Variants in PLPP1 observed in about 807,000 individuals in gnomAD.
The protein encoded by PLPP1 is phospholipid phosphatase 1, also known as lipid phosphate phosphohydrolase 1a.
A neutral mutation model predicts 31.2 loss-of-function variants in PLPP1; 24 were observed. That is an observed-to-expected ratio of 0.77 (90% confidence interval 0.56 to 1.08). The LOEUF (loss-of-function observed/expected upper bound fraction) is 1.08, where lower values mean the gene tolerates loss of function less well. Among genes scored for constraint, PLPP1 ranks in the 50% least tolerant of loss-of-function variants. PLPP1 has a pLI of 0.00. For missense variants in PLPP1, 319 were observed against 342.7 expected (o/e 0.93, Z 0.55); for synonymous variants, 146 against 126.3 (o/e 1.16, Z -1.05).
chr5:55,485,564 GT>G (rs1385292526), intron 1 of PLPP1, among the ~76,000 whole-genome samples: 4 of 149,882 alleles, frequency 2.7e-5, no homozygotes, highest in Non-Finnish European at 5.9e-5. Context: ...TGGGTATATA[GT>G]TAAGGCATTT....
chr5:55,438,483 C>G (rs1751545842), intron 4 of PLPP1, among the ~76,000 whole-genome samples: 1 of 152,164 alleles, frequency 6.6e-6, no homozygotes, highest in African/African-American at 2.4e-5. Context: ...CAAAGACTGT[C>G]CTAGGAGAGG....
At chr5:55,533,680 G>A (rs1314885517) in intron 1 of PLPP1, among the ~76,000 whole-genome samples, 2 of 152,184 alleles carry the variant, frequency 1.3e-5, no homozygotes, top group East Asian at 3.8e-4. Flanking sequence ...CAAACCTCCA[G>A]CAGCTCTTGC....
chr5:55,501,271 C>T (rs1169477771), intron 1 of PLPP1, among the ~76,000 whole-genome samples: 3 of 152,034 alleles, frequency 2.0e-5, no homozygotes, highest in Non-Finnish European at 4.4e-5. Context: ...TGAGATCATG[C>T]CATTGCACTC....
At chr5:55,479,088 A>C (rs1752618880) in intron 1 of PLPP1, among the ~76,000 whole-genome samples, 1 of 150,894 alleles carries the variant, frequency 6.6e-6, no homozygotes, top group South Asian at 2.1e-4. Context: ...GCAATGGTGC[A>C]ATCTCGGCTC....
At chr5:55,511,970 C>G (rs575038253) in intron 1 of PLPP1, among the ~76,000 whole-genome samples, 8 of 150,964 alleles carry the variant, frequency 5.3e-5, no homozygotes, top group African/African-American at 1.9e-4. Context: ...ACTAAAAATA[C>G]AAAAATTAGC....
In PLPP1 at chr5:55,425,097, G is replaced by T; in HGVS notation, c.*109C>A. ...GCATCCAAGAGGCATAGCAGCAGCA[G>T]AAGTCTTTAAAGGCTTGTACACCAG... On this transcript the variant is annotated 3_prime_UTR_variant, in exon 6 of 6. Coordinates refer to ENST00000307259, the MANE Select transcript of PLPP1 (RefSeq NM_003711.4). 10 of 1,383,446 alleles carry T rather than the reference G, an allele frequency of 7.2e-6. No individual in the cohort carries two copies. Among genetic ancestry groups the T allele is most frequent in the Non-Finnish European group, 9.8e-6 (10 of 1,018,124 alleles). 85.7% of individuals were successfully genotyped at this position (1,383,446 alleles called of 1,614,324 possible).
chr5:55,468,059 C>T lies in PLPP1; in HGVS notation c.301G>A (p.Ala101Thr). The T allele has an allele frequency of 6.2e-7, 1 of 1,614,070 alleles. No homozygotes were observed. Among genetic ancestry groups the T allele is most frequent in the Non-Finnish European group, 8.5e-7 (1 of 1,179,978 alleles). The change falls in exon 3 of 6, where the codon GCC (alanine) becomes ACC (threonine). Residue 101 changes from alanine (A) to threonine (T), a missense_variant. Physicochemically the swap from Ala to Thr is moderately conservative, Grantham distance 58 (BLOSUM62 0). Coordinates refer to ENST00000307259, the MANE Select transcript of PLPP1 (RefSeq NM_003711.4). ...RNNYIATIYK[A>T]IGTFLFGAAA... ...GCACCAAATAAAAAGGTTCCAATGG[C>T]TTTGTAAATAGTGGCTATGTAGTTA...
intron 4 of PLPP1, among the ~76,000 whole-genome samples, chr5:55,426,359 T>C (rs1418831655): frequency 2.0e-5 from 3 of 152,138 alleles, no homozygotes; most frequent in Non-Finnish European, 4.4e-5. Flanking sequence ...GCAATTTGGG[T>C]TATAATTCTC....
At chr5:55,458,914 A>AAAAAAAAAC (rs1387046910) in intron 3 of PLPP1, among the ~76,000 whole-genome samples, 11 of 148,974 alleles carry the variant, frequency 7.4e-5, no homozygotes, top group Non-Finnish European at 1.2e-4. Context: ...AAAAAAAAAA[A>AAAAAAAAAC]AACACATAGC....
chr5:55,463,978 A>C (rs763849781), intron 3 of PLPP1, among the ~76,000 whole-genome samples: 5 of 151,994 alleles, frequency 3.3e-5, no homozygotes, highest in Non-Finnish European at 5.9e-5. Flanking sequence ...AAGAGTTAAC[A>C]TTTCAAAAAT....
At chr5:55,444,445 A>G in intron 3 of PLPP1, among the ~76,000 whole-genome samples, 1 of 152,122 alleles carries the variant, frequency 6.6e-6, no homozygotes, top group South Asian at 2.1e-4. Context: ...GCCCTGGCCT[A>G]AGAACCCTGC....
intron 1 of PLPP1, among the ~76,000 whole-genome samples, chr5:55,528,092 G>C (rs147175948): frequency 6.6e-6 from 1 of 152,108 alleles, no homozygotes; most frequent in Non-Finnish European, 1.5e-5. Context: ...GCAAAACACA[G>C]GTATAAGGAA....
At chr5:55,504,122 G>C (rs1437907527) in intron 1 of PLPP1, among the ~76,000 whole-genome samples, 1 of 151,938 alleles carries the variant, frequency 6.6e-6, no homozygotes, top group Non-Finnish European at 1.5e-5. Flanking sequence ...TATAATCCCA[G>C]CACTTTGGGA....
At chr5:55,491,221 C>G in intron 1 of PLPP1, 5 of 1,213,814 alleles carry the variant, frequency 4.1e-6, no homozygotes, top group Non-Finnish European at 5.7e-6. Flanking sequence ...TTTGCCCTCT[C>G]TGGAGATGGA....
At chr5:55,465,978 T>A (rs1285585881) in intron 3 of PLPP1, among the ~76,000 whole-genome samples, 1 of 152,120 alleles carries the variant, frequency 6.6e-6, no homozygotes, top group Non-Finnish European at 1.5e-5. Context: ...ACCTTAAGAG[T>A]CCAGTATTGA....
chr5:55,511,904 C>G, intron 1 of PLPP1, among the ~76,000 whole-genome samples: 1 of 151,114 alleles, frequency 6.6e-6, no homozygotes, highest in East Asian at 2.0e-4. Context: ...CTCCTGACCT[C>G]GTGATCCGTC....
chr5:55,521,351 CAAAA>C (rs35191893), intron 1 of PLPP1, among the ~76,000 whole-genome samples: 6 of 140,980 alleles, frequency 4.3e-5, no homozygotes, highest in Non-Finnish European at 4.6e-5. Context: ...GACTCTGTCT[CAAAA>C]AAAAAAAAAA....
rs1751891132 is a variant in PLPP1, at chr5:55,451,525, CA to C, written c.492-9618del. ...CAGCTCATGTTACCAGGAGGACTAACACAGTGCCACAATAATTCACTTAGAG... is the reference window on the plus strand; with the variant it reads ...CAGCTCATGTTACCAGGAGGACTAACCAGTGCCACAATAATTCACTTAGAG... On this transcript the variant is annotated intron_variant, in intron 3 of 5. Transcript: ENST00000307259. Among the ~76,000 whole-genome samples the C allele has an allele frequency of 2.0e-5, 3 of 151,950 alleles. No individual in the cohort carries two copies. The South Asian group carries it at 6.2e-4, about 32-fold the overall frequency.
intron 1 of PLPP1, chr5:55,484,920 TG>T (rs1215909424): frequency 3.3e-5 from 5 of 152,244 alleles, no homozygotes; most frequent in African/African-American, 1.2e-4. Context: ...AGGAGCTGCC[TG>T]GTTGGTGAAC....
Sources: allele counts gnomAD v4.1 joint callset (sites outside exome capture counted in the v4.1 genomes callset), GRCh38; gene constraint gnomAD v4.1.1; transcripts MANE v1.5; gene names NCBI Gene and HGNC (gene_info 2026-07-23, HGNC 2026-07-21).